The following NUBPL variants were observed in gnomAD, a reference collection of about 807,000 sequenced individuals.
NUBPL encodes the protein NUBP iron-sulfur cluster assembly factor, mitochondrial.
In NUBPL, 31 loss-of-function variants were observed where a neutral mutation model predicts 45.7. The observed-to-expected ratio is 0.68, with a 90% CI of 0.51 to 0.92. The LOEUF is 0.92. Ranked by LOEUF, NUBPL falls within the 40% of genes least tolerant of loss-of-function variation. The pLI, the probability that NUBPL is intolerant of heterozygous loss-of-function variation, is 0.00. For missense variants in NUBPL, 401 were observed against 398.7 expected (o/e 1.01, Z -0.05); for synonymous variants, 144 against 140.9 (o/e 1.02, Z -0.15).
intron 8 of NUBPL, among the ~76,000 whole-genome samples, chr14:31,832,137 A>G (rs1303524063): frequency 6.6e-6 from 1 of 152,176 alleles, no homozygotes; most frequent in East Asian, 1.9e-4. Context: ...ATGTAACAGT[A>G]CTATTACAGT....
intron 4 of NUBPL, among the ~76,000 whole-genome samples, chr14:31,646,008 A>G (rs908188734): frequency 1.3e-5 from 2 of 152,160 alleles, no homozygotes; most frequent in Non-Finnish European, 2.9e-5. Flanking sequence ...TCTTTTGCAC[A>G]TTAGTGGTTT....
intron 7 of NUBPL, among the ~76,000 whole-genome samples, chr14:31,823,931 G>A (rs1017293481): frequency 4.6e-4 from 70 of 152,184 alleles, no homozygotes; most frequent in African/African-American, 1.6e-3. Context: ...GAGGGGAAGA[G>A]AGTGTTAATT....
chr14:31,823,172 T>G (rs1566583179), intron 7 of NUBPL, among the ~76,000 whole-genome samples: 1 of 152,100 alleles, frequency 6.6e-6, no homozygotes, highest in African/African-American at 2.4e-5. Flanking sequence ...TTCAAGGAGT[T>G]GCCAACTTAA....
intron 4 of NUBPL, among the ~76,000 whole-genome samples, chr14:31,610,608 CAAAAAAAA>C (rs775656176): frequency 1.1e-5 from 1 of 94,708 alleles, no homozygotes; most frequent in Non-Finnish European, 2.0e-5. Context: ...AAAGATACAT[CAAAAAAAA>C]AAAAAAAAAA....
chr14:31,830,714 C>T (rs889348636), intron 8 of NUBPL, among the ~76,000 whole-genome samples: 12 of 152,202 alleles, frequency 7.9e-5, no homozygotes, highest in Admixed American at 5.9e-4. Flanking sequence ...AGAAAACATG[C>T]TTTAAACATT....
intron 7 of NUBPL, among the ~76,000 whole-genome samples, chr14:31,816,181 T>C (rs993224541): frequency 2.0e-5 from 3 of 152,220 alleles, no homozygotes; most frequent in Admixed American, 2.0e-4. Flanking sequence ...TATTGGTTGG[T>C]GGGCTATTAA....
At chr14:31,832,007 G>T (rs1463235711) in intron 8 of NUBPL, among the ~76,000 whole-genome samples, 3 of 152,184 alleles carry the variant, frequency 2.0e-5, no homozygotes, top group Non-Finnish European at 4.4e-5. Context: ...TACAGTAAGA[G>T]ATGTAACCAA....
intron 10 of NUBPL, among the ~76,000 whole-genome samples, chr14:31,852,556 G>A (rs1437938926): frequency 3.3e-5 from 5 of 151,908 alleles, no homozygotes; most frequent in Non-Finnish European, 7.4e-5. Flanking sequence ...CTCTAATCCC[G>A]GCTACTTGGG....
chr14:31,638,098 A>T (rs959311226), intron 4 of NUBPL, among the ~76,000 whole-genome samples: 5 of 151,608 alleles, frequency 3.3e-5, no homozygotes, highest in Non-Finnish European at 7.4e-5. Context: ...ATTTAAAGTT[A>T]ATATTGTTAT....
At chr14:31,693,800 T>TAAAAAAAAAAA (rs60070958) in intron 6 of NUBPL, among the ~76,000 whole-genome samples, 1 of 94,604 alleles carries the variant, frequency 1.1e-5, no homozygotes, top group Non-Finnish European at 1.9e-5. Flanking sequence ...AAGACAAAAT[T>TAAAAAAAAAAA]AAAAAAAAAA....
rs147487313 is a variant in NUBPL at position 31,643,065 on chromosome 14, A to G, written c.383-30290A>G. On this transcript the variant is annotated intron_variant, in intron 4 of 10. Transcript: ENST00000281081. ...CTAACAGTTTTTTGGTGGAGTTTTT[A>G]GGCTTTTCTATGTATAATATCATGT... Among the ~76,000 whole-genome samples, 320 of 152,100 alleles carry G rather than the reference A, an allele frequency of 2.1e-3. 1 individual carries two copies. Among genetic ancestry groups the G allele is most frequent in the African/African-American group, 7.3e-3 (305 of 41,526 alleles).
chr14:31,704,825 T>C (rs11844254), intron 6 of NUBPL, among the ~76,000 whole-genome samples: 151,593 of 152,232 alleles, frequency 1, 75,481 homozygotes, highest in Middle Eastern at 1. Context: ...CCAGTGTGTC[T>C]GGAATTGGTG....
intron 6 of NUBPL, among the ~76,000 whole-genome samples, chr14:31,752,959 C>T (rs2038565635): frequency 6.6e-6 from 1 of 152,146 alleles, no homozygotes; most frequent in Non-Finnish European, 1.5e-5. Context: ...CACTTTTTAA[C>T]CATCAGATCT....
chr14:31,636,589 A>C (rs1199074625), intron 4 of NUBPL, among the ~76,000 whole-genome samples: 1 of 152,122 alleles, frequency 6.6e-6, no homozygotes, highest in African/African-American at 2.4e-5. Context: ...TGGTATCAGG[A>C]TGATGCTGGC....
chr14:31,673,588 T>A lies in NUBPL; in HGVS notation c.513+14T>A. 6.3e-7 allele frequency: 1 copy of A among 1,599,502 alleles called. No homozygotes were observed. Among genetic ancestry groups the A allele is most frequent in the Non-Finnish European group, 8.6e-7 (1 of 1,166,794 alleles). ...TTGTTGAGGCAGGTAAGAATATTGC[T>A]TTAAATATCATTTTATCATTGGCAA... On this transcript the variant is annotated intron_variant, in intron 6 of 10. Transcript: ENST00000281081.
intron 3 of NUBPL, chr14:31,578,013 A>G: frequency 4.7e-6 from 6 of 1,279,832 alleles, no homozygotes; most frequent in Non-Finnish European, 6.1e-6. Flanking sequence ...CGTTGTTATG[A>G]ACTCAGTAAA....
At chr14:31,623,713 C>T (rs769358558) in intron 4 of NUBPL, among the ~76,000 whole-genome samples, 3 of 152,070 alleles carry the variant, frequency 2.0e-5, no homozygotes, top group Admixed American at 6.6e-5. Flanking sequence ...TCTTTATTAC[C>T]CAGTCTTAGG....
chr14:31,772,388 C>T (rs1322396722), intron 6 of NUBPL, among the ~76,000 whole-genome samples: 1 of 152,134 alleles, frequency 6.6e-6, no homozygotes, highest in African/African-American at 2.4e-5. Flanking sequence ...AATAACATCA[C>T]CTTCCTAGGT....
intron 9 of NUBPL, among the ~76,000 whole-genome samples, chr14:31,848,126 C>T (rs1485074479): frequency 6.6e-6 from 1 of 152,130 alleles, no homozygotes; most frequent in Non-Finnish European, 1.5e-5. Context: ...TGTACAATTA[C>T]CCTAAAAATG....
Sources: gnomAD v4.1 joint callset for allele counts (sites outside exome capture counted in the v4.1 genomes callset) on GRCh38, gnomAD v4.1.1 for gene constraint, MANE v1.5 for transcripts, NCBI Gene and HGNC (gene_info 2026-07-23, HGNC 2026-07-21) for gene names.